FOCAD: variants seen among roughly 807,000 people sequenced by gnomAD.
FOCAD encodes the protein KIAA1797.
Under a neutral mutation model 225.6 loss-of-function variants are expected in FOCAD, and 198 were observed. The observed-to-expected ratio is 0.88, with a 90% confidence interval of 0.78 to 0.99. FOCAD has a LOEUF of 0.99. FOCAD is among the 50% of genes least tolerant of loss of function. The pLI, the probability that FOCAD is intolerant of heterozygous loss-of-function variation, is 0.00. For synonymous variants in FOCAD, 897 were observed against 755.0 expected, an observed-to-expected ratio of 1.19 and a Z score of -3.08; for missense variants, 2,713 against 2,123.6, an observed-to-expected ratio of 1.28 and a Z score of -5.46.
intron 18 of FOCAD, among the ~76,000 whole-genome samples, chr9:20,869,340 A>G (rs1587455648): frequency 6.6e-6 from 1 of 152,248 alleles, no homozygotes; most frequent in Admixed American, 6.5e-5. Flanking sequence ...AAGTAGAGCT[A>G]AAAAATATAT....
At position 20,720,674 on chromosome 9, in the gene FOCAD, A is replaced by G. The variant is rs111499576; in HGVS notation, c.287+140A>G. On this transcript the variant is annotated intron_variant, in intron 4 of 43. Coordinates refer to ENST00000338382, the MANE Select transcript of FOCAD (RefSeq NM_001375567.1). ...TTAAAATGTCATGAGTTGCTGTTTCATATATGAAAATATCATGCTAATTTA... is the reference window on the plus strand; with the variant it reads ...TTAAAATGTCATGAGTTGCTGTTTCGTATATGAAAATATCATGCTAATTTA... The G allele has an allele frequency of 2.6e-4, 205 of 783,792 alleles. No individual in the cohort carries two copies. In the African/African-American group the frequency reaches 3.1e-3, roughly 12 times the overall value. 48.6% of individuals were successfully genotyped at this position (783,792 alleles called of 1,614,324 possible).
intron 28 of FOCAD, among the ~76,000 whole-genome samples, chr9:20,938,488 C>G (rs942653559): frequency 5.9e-5 from 9 of 151,658 alleles, no homozygotes; most frequent in African/African-American, 1.9e-4. Flanking sequence ...GGACAAAAAC[C>G]AAACACCACA....
intron 21 of FOCAD, among the ~76,000 whole-genome samples, chr9:20,903,491 CATGTA>C (rs1232945500): frequency 2.0e-5 from 3 of 151,830 alleles, no homozygotes; most frequent in Non-Finnish European, 4.4e-5. Flanking sequence ...TAAATTAGAT[CATGTA>C]ATTCTTTTTC....
chr9:20,916,958 T>A, intron 24 of FOCAD, 21 bp downstream of exon 24: 1 of 1,582,596 alleles, frequency 6.3e-7, no homozygotes, highest in Non-Finnish European at 8.6e-7. Context: ...TTTAGTCTTT[T>A]ATCAAACATT....
chr9:20,956,576 A>G (rs1464198242), intron 35 of FOCAD, among the ~76,000 whole-genome samples: 2 of 152,216 alleles, frequency 1.3e-5, no homozygotes, highest in East Asian at 3.8e-4. Context: ...ATGACTTTAC[A>G]TGCAAATGGA....
chr9:20,774,807 T>A (rs1201306201), intron 8 of FOCAD, among the ~76,000 whole-genome samples: 1 of 152,190 alleles, frequency 6.6e-6, no homozygotes, highest in African/African-American at 2.4e-5. Context: ...GTCCTATTTA[T>A]GTCTCTCATT....
At chr9:20,946,267 A>G (rs1837169298) in intron 29 of FOCAD, among the ~76,000 whole-genome samples, 1 of 152,120 alleles carries the variant, frequency 6.6e-6, no homozygotes, top group African/African-American at 2.4e-5. Context: ...GCAGTGTTTC[A>G]CTTCTTTGAA....
chr9:20,795,819 T>C (rs563468634), intron 11 of FOCAD, among the ~76,000 whole-genome samples: 1 of 148,628 alleles, frequency 6.7e-6, no homozygotes, highest in Non-Finnish European at 1.5e-5. Flanking sequence ...ACACAGCATG[T>C]TTTATTTATT....
At chr9:20,708,821 CA>C (rs772145695) in intron 1 of FOCAD, among the ~76,000 whole-genome samples, 82 of 151,940 alleles carry the variant, frequency 5.4e-4, no homozygotes, top group Non-Finnish European at 1.0e-3. Context: ...GAGTTTCAGC[CA>C]TATGACTGCC....
At chr9:20,669,856 T>C (rs1310683705) in intron 2 of FOCAD, among the ~76,000 whole-genome samples, 3 of 152,190 alleles carry the variant, frequency 2.0e-5, no homozygotes, top group African/African-American at 4.8e-5. Flanking sequence ...CAGCAGAGCA[T>C]TGAAGCAAGC....
At chr9:20,779,344 G>A (rs752099082) in intron 9 of FOCAD, among the ~76,000 whole-genome samples, 61 of 152,208 alleles carry the variant, frequency 4.0e-4, no homozygotes, top group Admixed American at 8.5e-4. Context: ...CATTGGTGCT[G>A]CCTCACTTTA....
intron 21 of FOCAD, among the ~76,000 whole-genome samples, chr9:20,894,262 A>C (rs1831880063): frequency 6.6e-6 from 1 of 152,158 alleles, no homozygotes; most frequent in East Asian, 1.9e-4. Context: ...ACTACAGTTG[A>C]TGTATCCATT....
chr9:20,699,791 T>C (rs1587258277), intron 1 of FOCAD, among the ~76,000 whole-genome samples: 1 of 97,526 alleles, frequency 1.0e-5, no homozygotes, highest in African/African-American at 4.6e-5. Context: ...TATATATATA[T>C]ATATATATAT....
intron 1 of FOCAD, among the ~76,000 whole-genome samples, chr9:20,705,475 A>G (rs532003739): frequency 1.3e-5 from 2 of 152,302 alleles, no homozygotes; most frequent in South Asian, 4.1e-4. Flanking sequence ...AAAATATCTA[A>G]AGTATCCATT....
intron 40 of FOCAD, 106 bp downstream of exon 40, chr9:20,986,571 G>A: frequency 9.3e-7 from 1 of 1,073,406 alleles, no homozygotes; most frequent in Non-Finnish European, 1.3e-6. Flanking sequence ...AGTGCTTATT[G>A]ACACAGGTTA....
chr9:20,886,663 A>G (rs1027267235), intron 21 of FOCAD, among the ~76,000 whole-genome samples: 2 of 152,156 alleles, frequency 1.3e-5, no homozygotes, highest in African/African-American at 4.8e-5. Flanking sequence ...AGAAAATAAC[A>G]TCATTGTTTT....
intron 7 of FOCAD, among the ~76,000 whole-genome samples, chr9:20,769,208 C>T (rs1250301135): frequency 6.6e-6 from 1 of 152,066 alleles, no homozygotes; most frequent in Non-Finnish European, 1.5e-5. Flanking sequence ...TTGCTAGCAA[C>T]TAATTTTTCT....
At chr9:20,947,508 G>T (rs1837293266) in intron 30 of FOCAD, among the ~76,000 whole-genome samples, 1 of 152,108 alleles carries the variant, frequency 6.6e-6, no homozygotes, top group African/African-American at 2.4e-5. Context: ...GGAGGAATGG[G>T]GAGTTACTGT....
intron 24 of FOCAD, among the ~76,000 whole-genome samples, chr9:20,921,692 C>T (rs930712837): frequency 6.6e-6 from 1 of 152,080 alleles, no homozygotes; most frequent in Non-Finnish European, 1.5e-5. Flanking sequence ...ATTCTGCAAC[C>T]AAATATATTA....
Sources: allele counts gnomAD v4.1 joint callset (sites outside exome capture counted in the v4.1 genomes callset), GRCh38; gene constraint gnomAD v4.1.1; transcripts MANE v1.5; gene names NCBI Gene and HGNC (gene_info 2026-07-23, HGNC 2026-07-21).